The following NPEPL1 variants were observed in gnomAD, a reference collection of about 807,000 sequenced individuals.
The protein encoded by NPEPL1 is probable aminopeptidase NPEPL1.
A neutral mutation model predicts 52.4 loss-of-function variants in NPEPL1; 45 were observed. That is an observed-to-expected ratio of 0.86 (90% CI 0.68 to 1.10). NPEPL1 has a LOEUF of 1.10. Among genes scored for constraint, NPEPL1 ranks in the 50% least tolerant of loss-of-function variants. NPEPL1 has a pLI of 0.00. For missense variants in NPEPL1, 696 were observed against 710.9 expected, an observed-to-expected ratio of 0.98 and a Z score of 0.24; for synonymous variants, 360 against 314.7, an observed-to-expected ratio of 1.14 and a Z score of -1.52.
At chr20:58,708,910 C>T (rs577140945) in intron 7 of NPEPL1, among the ~76,000 whole-genome samples, 1 of 151,916 alleles carries the variant, frequency 6.6e-6, no homozygotes, top group South Asian at 2.1e-4. Flanking sequence ...GGCCAGCCCT[C>T]TGTGGCCGTC....
In NPEPL1 at chr20:58,712,598, C is replaced by T; in HGVS notation, c.1001+19C>T. Reference sequence around the variant, plus strand: ...CAGGGAAGTACGTCTGGCCCTCCCACTCCTTCCTGCCCACTGTTGGAACTC... The same window carrying T: ...CAGGGAAGTACGTCTGGCCCTCCCATTCCTTCCTGCCCACTGTTGGAACTC... On this transcript the variant is annotated intron_variant, in intron 8 of 11. Transcript: ENST00000356091. 1.3e-6 allele frequency: 2 copies of T among 1,544,120 alleles called. No homozygotes were observed. The highest frequency in any genetic ancestry group is 1.8e-6 in the Non-Finnish European group (2 of 1,116,578).
chr20:58,713,843 C>T lies in NPEPL1; in HGVS notation c.1126-74C>T, dbSNP rs569568022. The T allele has an allele frequency of 1.7e-3, 2,392 of 1,376,426 alleles. 4 individuals carry two copies. The highest frequency in any genetic ancestry group is 2.0e-3 in the Non-Finnish European group (2,161 of 1,057,250). The allele number at this position is 1,376,426 out of a possible 1,614,324, so 85.3% of individuals were successfully genotyped here. On this transcript the variant is annotated intron_variant, in intron 9 of 11. Coordinates refer to ENST00000356091, the MANE Select transcript of NPEPL1 (RefSeq NM_024663.4). This position sits in a 1 kb window ranked among gnomAD's most constrained non-coding sequence, Gnocchi z 4.6. ...CTCCCTTATTTCTCTGTCTGCCTCC[C>T]GGTCCCTCTTTTGCCTTGGGTGTTT...
rs554635191 is a variant in NPEPL1, at chr20:58,715,235, C to T, written c.1481C>T (p.Pro494Leu). The T allele has an allele frequency of 2.5e-6, 4 of 1,609,782 alleles. No individual in the cohort carries two copies. Among genetic ancestry groups the T allele is most frequent in the East Asian group, 2.2e-5 (1 of 44,784 alleles). ...CTCTTCGGCCGTGCCTCTGAGGACC[C>T]TCTGCTGAACCTGGTGTCCCCACTG... ...LALFGRASEDPLLNLVSPLGC... is the reference protein window; with the variant it reads ...LALFGRASEDLLLNLVSPLGC... Residue 494 changes from proline (P) to leucine (L), a missense_variant, in exon 12 of 12, where the codon CCT becomes CTT. Transcript: ENST00000356091.
intron 3 of NPEPL1, among the ~76,000 whole-genome samples, chr20:58,694,958 GTA>G (rs2084432348): frequency 6.6e-6 from 1 of 152,188 alleles, no homozygotes. Context: ...TGCTGTGCGT[GTA>G]TGAGTGTATG....
intron 6 of NPEPL1, among the ~76,000 whole-genome samples, chr20:58,706,115 T>C (rs1475170617): frequency 3.3e-5 from 5 of 152,268 alleles, no homozygotes; most frequent in African/African-American, 9.6e-5. Flanking sequence ...ACCTGTAAAA[T>C]GTAAAAATGT....
chr20:58,711,191 C>G (rs2084834546), intron 7 of NPEPL1: 2 of 150,078 alleles, frequency 1.3e-5, no homozygotes, highest in South Asian at 4.3e-4. Flanking sequence ...GACTTCAGGG[C>G]TCCCCTCCTT....
In NPEPL1 at chr20:58,715,355, G is replaced by A. The variant is rs762682867; in HGVS notation, c.*29G>A. On this transcript the variant is annotated 3_prime_UTR_variant, in exon 12 of 12. Coordinates refer to ENST00000356091, the MANE Select transcript of NPEPL1 (RefSeq NM_024663.4). The stretch of plus-strand genomic sequence containing the variant: ...TCCTGCCTCGGCCCTGACAAACGGG[G>A]ATCTTTTACCTCACTTTGCACTGAT... The A allele has an allele frequency of 8.2e-6, 13 of 1,577,042 alleles. No homozygotes were observed. The highest frequency in any genetic ancestry group is 1.4e-5 in the African/African-American group (1 of 73,592).
intron 1 of NPEPL1, chr20:58,693,497 A>C (rs1213278228): frequency 1.5e-5 from 7 of 451,634 alleles, no homozygotes; most frequent in Non-Finnish European, 1.6e-5. Context: ...AGCAGCCCCC[A>C]GCCTGGCCCT....
In NPEPL1 at chr20:58,694,557, C is replaced by G; in HGVS notation, c.472C>G (p.Gln158Glu). 6.2e-7 allele frequency: 1 copy of G among 1,613,818 alleles called. No homozygotes were observed. The highest frequency in any genetic ancestry group is 1.6e-4 in the Middle Eastern group (1 of 6,062). ...CACCGTGGAGTTTTTCCTGGTGGGA[C>G]AAGACAACGGGCCGGTGGAGGTGTC... is the stretch of plus-strand genomic sequence containing the variant. ...TVTVEFFLVG[Q>E]DNGPVEVSTL... is the part of the protein sequence containing the mutation. The change falls in exon 3 of 12, where the codon CAA (glutamine) becomes GAA (glutamate). Residue 158 changes from glutamine (Q) to glutamate (E), a missense_variant. By Grantham distance (29) the Gln-to-Glu change is conservative. Transcript: ENST00000356091.
At chr20:58,695,115 TTGC>T (rs2084448563) in intron 3 of NPEPL1, among the ~76,000 whole-genome samples, 1 of 5,364 alleles carries the variant, frequency 1.9e-4, no homozygotes, top group Non-Finnish European at 4.1e-4. Context: ...GTGTGTGTGT[TTGC>T]TGGTGTGTGC....
At chr20:58,704,471 AT>A in intron 6 of NPEPL1, 1 of 613,764 alleles carries the variant, frequency 1.6e-6, no homozygotes, top group Non-Finnish European at 2.0e-6. Context: ...AAAGTGAGAA[AT>A]TTATAACATG....
In NPEPL1 at chr20:58,696,376, C is replaced by G. The variant is rs151235748; in HGVS notation, c.507+1784C>G. ...CCATTTGTCAGCTAAACCATCACTACTAGACATGTCACATCTTTGTTGATC... is the reference window on the plus strand; with the variant it reads ...CCATTTGTCAGCTAAACCATCACTAGTAGACATGTCACATCTTTGTTGATC... On this transcript the variant is annotated intron_variant, in intron 3 of 11. Coordinates refer to ENST00000356091, the MANE Select transcript of NPEPL1 (RefSeq NM_024663.4). 2.9e-3 allele frequency among the ~76,000 whole-genome samples: 435 copies of G among 152,356 alleles called. 1 individual carries two copies. Among genetic ancestry groups the G allele is most frequent in the African/African-American group, 0.01 (419 of 41,592 alleles).
rs376159484 is a variant in NPEPL1 at position 58,694,454 on chromosome 20, C to T, written c.369C>T (p.Ser123=). ...MVCEQPEVFA[S]ACALARAFPL... is the part of the protein sequence containing the mutation. ...GCGAGCAGCCGGAGGTCTTTGCTTC[C>T]GCCTGTGCCCTGGCCCGGGCCTTCC... The change falls in exon 3 of 12, where the codon TCC becomes TCT. Residue 123 remains serine, a synonymous_variant. Transcript: ENST00000356091. 6.8e-5 allele frequency: 109 copies of T among 1,613,158 alleles called. No individual in the cohort carries two copies. The East Asian group carries it at 1.2e-3, about 18-fold the overall frequency.
chr20:58,699,140 G>A (rs2084557359), intron 4 of NPEPL1, 57 bp from the exon 5 acceptor site: 3 of 1,493,918 alleles, frequency 2.0e-6, no homozygotes, highest in African/African-American at 2.8e-5. Flanking sequence ...GGCCTCTCCT[G>A]TTTCCAGCCA....
intron 3 of NPEPL1, among the ~76,000 whole-genome samples, chr20:58,697,205 C>T (rs1024242304): frequency 6.6e-6 from 1 of 152,226 alleles, no homozygotes; most frequent in African/African-American, 2.4e-5. Flanking sequence ...AAGGGACACC[C>T]TTCCCCAGTG....
At chr20:58,702,000 T>C (rs961058375) in intron 6 of NPEPL1, among the ~76,000 whole-genome samples, 2 of 152,100 alleles carry the variant, frequency 1.3e-5, no homozygotes, top group African/African-American at 4.8e-5. Context: ...GTGAGCAGCC[T>C]CTGTGCTCAG....
Position 58,701,171 on chromosome 20 carries a change from C to A in NPEPL1, c.822+13C>A. The A allele has an allele frequency of 6.7e-7, 1 of 1,490,764 alleles. No individual in the cohort carries two copies. Among genetic ancestry groups the A allele is most frequent in the Admixed American group, 2.1e-5 (1 of 48,232 alleles). The allele number at this position is 1,490,764 out of a possible 1,614,324, so 92.3% of individuals were successfully genotyped here. On this transcript the variant is annotated intron_variant, in intron 6 of 11. Coordinates refer to ENST00000356091, the MANE Select transcript of NPEPL1 (RefSeq NM_024663.4). Reference sequence around the variant, plus strand: ...CATCAAAGGGAAGGTGAGGTGCGGGCTGGCTCTCAGGGTGCCCTGGGGGAG... The same window carrying A: ...CATCAAAGGGAAGGTGAGGTGCGGGATGGCTCTCAGGGTGCCCTGGGGGAG...
rs762262219 is a variant in NPEPL1 at position 58,712,503 on chromosome 20, G to C, written c.925G>C (p.Val309Leu). 2 of 1,613,474 alleles carry C rather than the reference G, an allele frequency of 1.2e-6. No homozygotes were observed. Among genetic ancestry groups the C allele is most frequent in the Admixed American group, 3.3e-5 (2 of 59,982 alleles). ...GGGTTTCAAAGACAACCTCCACGCT[G>C]TGTTCTGCTTGGCTGAGAACTCGGT... is the stretch of plus-strand genomic sequence containing the variant. ...KQGFKDNLHA[V>L]FCLAENSVGP... Residue 309 changes from valine (V) to leucine (L), a missense_variant, in exon 8 of 12, where the codon GTG becomes CTG. Val to Leu is a conservative substitution (Grantham distance 32, BLOSUM62 1). Transcript: ENST00000356091.
At chr20:58,697,547 G>T (rs946102476) in intron 3 of NPEPL1, among the ~76,000 whole-genome samples, 12 of 152,216 alleles carry the variant, frequency 7.9e-5, no homozygotes, top group Non-Finnish European at 1.2e-4. Context: ...CTGCAGTATC[G>T]ACCCGGCGCC....
Sources: gnomAD v4.1 joint callset for allele counts (sites outside exome capture counted in the v4.1 genomes callset) on GRCh38, gnomAD v4.1.1 for gene constraint, Gnocchi (gnomAD v3.1) non-coding constraint, MANE v1.5 for transcripts, NCBI Gene and HGNC (gene_info 2026-07-23, HGNC 2026-07-21) for gene names.